MAP1LC3A: variants seen among roughly 807,000 people sequenced by gnomAD.
MAP1LC3A encodes microtubule associated protein 1 light chain 3 alpha, also known as microtubule-associated protein 1 light chain 3 alpha.
A neutral mutation model predicts 15.2 loss-of-function variants in MAP1LC3A; 10 were observed. That is an observed-to-expected ratio of 0.66 (90% confidence interval 0.41 to 1.12). The LOEUF is 1.12. Among genes scored for constraint, MAP1LC3A ranks in the 50% most tolerant of loss-of-function variants. The pLI, the probability that MAP1LC3A is intolerant of heterozygous loss-of-function variation, is 0.00. For synonymous variants in MAP1LC3A, 63 were observed against 64.3 expected (o/e 0.98, Z 0.10); for missense variants, 138 against 167.3 (o/e 0.82, Z 0.97).
At position 34,559,920 on chromosome 20, in the gene MAP1LC3A, C is replaced by G. The variant is rs1600575320; in HGVS notation, c.*22C>G. The G allele has an allele frequency of 1.2e-6, 2 of 1,601,342 alleles. 1 individual carries two copies. The highest frequency in any genetic ancestry group is 3.6e-4 in the Middle Eastern group (2 of 5,602). On this transcript the variant is annotated 3_prime_UTR_variant, in exon 4 of 4. Coordinates refer to ENST00000360668, the MANE Select transcript of MAP1LC3A (RefSeq NM_032514.4). ...CTGAGCCAGCAGTAGGGGGGCTCGGCCTGGGAGTCGGGCGGCCCCGGTCAG... is the reference window on the plus strand; with the variant it reads ...CTGAGCCAGCAGTAGGGGGGCTCGGGCTGGGAGTCGGGCGGCCCCGGTCAG...
Position 34,559,208 on chromosome 20 carries a change from C to T in MAP1LC3A, c.41C>T (p.Ala14Val). 4 of 1,594,388 alleles carry T rather than the reference C, an allele frequency of 2.5e-6. No homozygotes were observed. Among genetic ancestry groups the T allele is most frequent in the Non-Finnish European group, 3.4e-6 (4 of 1,172,324 alleles). Residue 14 changes from alanine to valine, a missense_variant and splice_region_variant, in exon 2 of 4, where the codon GCC becomes GTC. Coordinates refer to ENST00000360668, the MANE Select transcript of MAP1LC3A (RefSeq NM_032514.4). ...CTCACGGTCTGGCCGCTGTCCGCAG[C>T]CGACCGCTGTAAGGAGGTACAGCAG... ...DRPFKQRRSF[A>V]DRCKEVQQIR...
At chr20:34,553,065 T>A (rs979552124) in intron 2 of MAP1LC3A, among the ~76,000 whole-genome samples, 3 of 152,114 alleles carry the variant, frequency 2.0e-5, no homozygotes, top group Non-Finnish European at 4.4e-5. Flanking sequence ...GACGGGTGCC[T>A]GTAATCCCAG....
Position 34,560,300 on chromosome 20 carries a change from G to A in MAP1LC3A, c.*402G>A, listed in dbSNP as rs1466924334. On this transcript the variant is annotated 3_prime_UTR_variant, in exon 4 of 4. Transcript: ENST00000360668. ...GTCTCCACGTGGTGTATGGATCTGT[G>A]GTCATTGTCCCTCTGCAGAATAAAG... 1 of 199,550 alleles carries A rather than the reference G, an allele frequency of 5.0e-6. No homozygotes were observed. 12.4% of individuals were successfully genotyped at this position (199,550 alleles called of 1,614,324 possible). A position where few individuals can be genotyped will look rare whatever the true frequency, so the allele number is the denominator to read the frequency against.
chr20:34,558,296 T>C (rs1982235064), upstream of MAP1LC3A: 1 of 985,818 alleles, frequency 1.0e-6, no homozygotes, highest in African/African-American at 1.7e-5. The surrounding 1 kb of genome is among the most constrained non-coding windows in gnomAD (Gnocchi z 4.3). Context: ...TTCTATCCTG[T>C]GTCTGACTGT....
At chr20:34,549,955 C>A in exon 2 of MAP1LC3A, 1 of 1,613,404 alleles carries the variant, frequency 6.2e-7, no homozygotes, top group Non-Finnish European at 8.5e-7. Flanking sequence ...AGAGGTAGTT[C>A]TGACACTGTC....
Position 34,560,109 on chromosome 20 carries a change from G to A in MAP1LC3A, c.*211G>A. 2.1e-6 allele frequency: 1 copy of A among 483,334 alleles called. No individual in the cohort carries two copies. 29.9% of individuals were successfully genotyped at this position (483,334 alleles called of 1,614,324 possible). On this transcript the variant is annotated 3_prime_UTR_variant, in exon 4 of 4. Transcript: ENST00000360668. ...GTTGTCCCTCTGGGTGCTGGCTGGT[G>A]GGATGGGGGAGGGTGGGGAGCAGCT...
At chr20:34,556,496 T>G (rs1212307949), upstream of MAP1LC3A, among the ~76,000 whole-genome samples, 2 of 152,236 alleles carry the variant, frequency 1.3e-5, no homozygotes, top group African/African-American at 4.8e-5. Flanking sequence ...ATGTCCTTTT[T>G]TTTTTGGTTG....
chr20:34,559,674 C>G, intron 3 of MAP1LC3A, 62 bp from the exon 4 acceptor site: 1 of 1,515,418 alleles, frequency 6.6e-7, no homozygotes. Context: ...TTCTGGGGGT[C>G]AGGGCTATGT....
At chr20:34,554,166 T>C (rs747161417), upstream of MAP1LC3A, among the ~76,000 whole-genome samples, 31 of 152,132 alleles carry the variant, frequency 2.0e-4, no homozygotes, top group Non-Finnish European at 4.3e-4. Context: ...TTTCACTGTG[T>C]GTAGATTCTC....
chr20:34,553,050 A>G (rs1452212730), intron 2 of MAP1LC3A, among the ~76,000 whole-genome samples: 1 of 152,110 alleles, frequency 6.6e-6, no homozygotes, highest in African/African-American at 2.4e-5. Context: ...TTAGCTGGGC[A>G]TGGTGACGGG....
chr20:34,550,142 C>G, intron 2 of MAP1LC3A: 2 of 992,912 alleles, frequency 2.0e-6, no homozygotes, highest in Non-Finnish European at 3.1e-6. Context: ...TGTGCCAGGC[C>G]GGCCAAGGCC....
At chr20:34,558,010 T>C (rs1982224200), upstream of MAP1LC3A, 2 of 943,868 alleles carry the variant, frequency 2.1e-6, no homozygotes, top group East Asian at 2.3e-4. This position sits in a 1 kb window ranked among gnomAD's most constrained non-coding sequence, Gnocchi z 4.3. Context: ...GGCAGCTCTT[T>C]TTCAGGAACT....
chr20:34,558,964 A>G lies in MAP1LC3A; in HGVS notation c.40+56A>G, dbSNP rs1264099484. 16 of 1,344,048 alleles carry G rather than the reference A, an allele frequency of 1.2e-5. No homozygotes were observed. The highest frequency in any genetic ancestry group is 2.5e-4 in the Middle Eastern group (1 of 3,942). The allele number at this position is 1,344,048 out of a possible 1,614,324, so 83.3% of individuals were successfully genotyped here. A position where few individuals can be genotyped will look rare whatever the true frequency, so the allele number is the denominator to read the frequency against. On this transcript the variant is annotated intron_variant, in intron 1 of 3. Coordinates refer to ENST00000360668, the MANE Select transcript of MAP1LC3A (RefSeq NM_032514.4). The surrounding 1 kb of genome is among the most constrained non-coding windows in gnomAD (Gnocchi z 4.3). ...GGGGCAGGGGTGCCGGCCGACCCCG[A>G]CTGCCGCAGGTGACGTCAGCCCCGT...
In MAP1LC3A at chr20:34,559,830, G is replaced by A. The variant is rs764893128; in HGVS notation, c.298G>A (p.Glu100Lys). The A allele has an allele frequency of 3.7e-6, 6 of 1,613,898 alleles. No homozygotes were observed. Among genetic ancestry groups the A allele is most frequent in the Non-Finnish European group, 2.5e-6 (3 of 1,180,018 alleles). Reference protein sequence around the residue: ...SVSTPIADIYEQEKDEDGFLY... With the variant: ...SVSTPIADIYKQEKDEDGFLY... ...GTCCACGCCCATCGCGGACATCTACGAGCAGGAGAAAGACGAGGACGGCTT... is the reference window on the plus strand; with the variant it reads ...GTCCACGCCCATCGCGGACATCTACAAGCAGGAGAAAGACGAGGACGGCTT... Residue 100 changes from glutamate to lysine, a missense_variant, in exon 4 of 4, where the codon GAG becomes AAG. Coordinates refer to ENST00000360668, the MANE Select transcript of MAP1LC3A (RefSeq NM_032514.4).
intron 1 of MAP1LC3A, among the ~76,000 whole-genome samples, chr20:34,547,192 G>A (rs971289840): frequency 6.6e-6 from 1 of 152,124 alleles, no homozygotes; most frequent in African/African-American, 2.4e-5. Context: ...GGGTTCGGCA[G>A]GTGGCCCTTT....
upstream of MAP1LC3A, chr20:34,558,242 A>G: frequency 1.0e-6 from 1 of 981,754 alleles, no homozygotes. The surrounding 1 kb of genome is among the most constrained non-coding windows in gnomAD (Gnocchi z 4.3). Context: ...CTTTTCAATT[A>G]TATTATTCTT....
In MAP1LC3A at chr20:34,559,732, G is replaced by A; in HGVS notation, c.204-4G>A. On this transcript the variant is annotated splice_region_variant and splice_polypyrimidine_tract_variant and intron_variant, in intron 3 of 3. Transcript: ENST00000360668. Reference sequence around the variant, plus strand: ...ACAGCTGCATACTCTCCCGCCGGCTGCAGGCGCCGCCTGCAGCTGAACCCC... The same window carrying A: ...ACAGCTGCATACTCTCCCGCCGGCTACAGGCGCCGCCTGCAGCTGAACCCC... The A allele has an allele frequency of 6.3e-7, 1 of 1,597,408 alleles. No homozygotes were observed. The highest frequency in any genetic ancestry group is 1.8e-5 in the Admixed American group (1 of 55,158).
rs1194510427 is a variant in MAP1LC3A at position 34,558,837 on chromosome 20, C to T, written c.-32C>T. 5 of 1,431,892 alleles carry T rather than the reference C, an allele frequency of 3.5e-6. No individual in the cohort carries two copies. The highest frequency in any genetic ancestry group is 1.5e-5 in the African/African-American group (1 of 66,788). The allele number at this position is 1,431,892 out of a possible 1,614,324, so 88.7% of individuals were successfully genotyped here. ...GCAGACACATCCCCGCGCCCCAGAG[C>T]CCCGGCCTGCGCGCCCAGCCGGGCC... On this transcript the variant is annotated 5_prime_UTR_variant, in exon 1 of 4. Coordinates refer to ENST00000360668, the MANE Select transcript of MAP1LC3A (RefSeq NM_032514.4). The surrounding 1 kb of genome is among the most constrained non-coding windows in gnomAD (Gnocchi z 4.3).
At chr20:34,548,404 T>C (rs1349514195) in intron 1 of MAP1LC3A, among the ~76,000 whole-genome samples, 1 of 152,130 alleles carries the variant, frequency 6.6e-6, no homozygotes, top group Non-Finnish European at 1.5e-5. Context: ...GGGCTTGAGG[T>C]CACGGAGGGA....
Sources: allele counts gnomAD v4.1 joint callset (sites outside exome capture counted in the v4.1 genomes callset), GRCh38; gene constraint gnomAD v4.1.1; non-coding constraint Gnocchi (gnomAD v3.1); transcripts MANE v1.5; gene names NCBI Gene and HGNC (gene_info 2026-07-23, HGNC 2026-07-21).